Variants in UNC80 observed in about 807,000 individuals in gnomAD.
The protein encoded by UNC80 is protein unc-80 homolog.
UNC80 carries 164 observed loss-of-function variants against 384.6 expected under a neutral mutation model. The ratio of observed to expected loss-of-function variants is 0.43; its 90% CI spans 0.38 to 0.49. The LOEUF (loss-of-function observed/expected upper bound fraction) is 0.49. Ranked by LOEUF, UNC80 falls within the 20% of genes least tolerant of loss-of-function variation. The pLI is 0.00. For synonymous variants in UNC80, 1,486 were observed against 1,527.8 expected (o/e 0.97, Z 0.64); for missense variants, 3,330 against 4,143.0 (o/e 0.80, Z 5.39).
intron 7 of UNC80, 126 bp downstream of exon 7, chr2:209,793,985 TC>T: frequency 8.8e-7 from 1 of 1,133,016 alleles, no homozygotes; most frequent in Non-Finnish European, 1.2e-6. Flanking sequence ...GTATACATAT[TC>T]TTGGTCAAAG....
intron 47 of UNC80, among the ~76,000 whole-genome samples, chr2:209,952,588 C>A (rs2092234701): frequency 6.6e-6 from 1 of 152,146 alleles, no homozygotes; most frequent in African/African-American, 2.4e-5. Flanking sequence ...TGGCCCTAAG[C>A]AATTTACAAA....
Position 209,819,114 on chromosome 2 carries a change from C to G in UNC80, c.1815C>G (p.Ile605Met). 1 of 1,552,216 alleles carries G rather than the reference C, an allele frequency of 6.4e-7. No homozygotes were observed. Among genetic ancestry groups the G allele is most frequent in the Non-Finnish European group, 8.7e-7 (1 of 1,147,124 alleles). The stretch of plus-strand genomic sequence containing the variant: ...GGAAACTCTGCAACCAGGTGCCTAT[C>G]CCGGAGATGCCACATGAACCTCTGG... The part of the protein sequence containing the change: ...HMRKLCNQVP[I>M]PEMPHEPLAC... Residue 605 changes from isoleucine to methionine, a missense_variant, in exon 12 of 65, where the codon ATC becomes ATG. By Grantham distance (10) the Ile-to-Met change is conservative. Around this residue, in one of 8 missense-constraint regions of UNC80, gnomAD observed 937 missense variants for 1,026.8 expected, o/e 0.91. Transcript: ENST00000673920.
intron 7 of UNC80, 27 bp downstream of exon 7, chr2:209,793,886 A>G: frequency 6.2e-7 from 1 of 1,611,178 alleles, no homozygotes; most frequent in Non-Finnish European, 8.5e-7. Context: ...TTAGGGACAA[A>G]ATGTGTCACT....
rs140265299 is a variant in UNC80, at chr2:209,785,021, A to G, written c.601-1045A>G. The stretch of plus-strand genomic sequence containing the variant: ...TCTGAGTTCTTTTCCTTCCATCCCA[A>G]TGGTTTTCAACCTCAGCTATGTGTG... On this transcript the variant is annotated intron_variant, in intron 4 of 64. Transcript: ENST00000673920. 3.2e-3 allele frequency among the ~76,000 whole-genome samples: 485 copies of G among 152,184 alleles called. 2 individuals carry two copies. Among genetic ancestry groups the G allele is most frequent in the Non-Finnish European group, 5.9e-3 (400 of 68,006 alleles).
At chr2:209,947,932 G>A (rs1425679198) in intron 47 of UNC80, among the ~76,000 whole-genome samples, 1 of 152,068 alleles carries the variant, frequency 6.6e-6, no homozygotes, top group African/African-American at 2.4e-5. Flanking sequence ...AAATAGTATA[G>A]TAGCTACTTT....
chr2:209,956,928 G>A (rs543470751), intron 48 of UNC80, among the ~76,000 whole-genome samples: 2 of 152,312 alleles, frequency 1.3e-5, no homozygotes, highest in East Asian at 3.9e-4. Flanking sequence ...ATCCCCAGCA[G>A]ACAGAAAGTG....
At chr2:209,972,087 T>C (rs1349674062) in intron 54 of UNC80, 114 bp from the exon 55 acceptor site, 1 of 1,308,172 alleles carries the variant, frequency 7.6e-7, no homozygotes, top group Non-Finnish European at 1.0e-6. Context: ...ATTGAACTCA[T>C]AGTTTACAGG....
intron 21 of UNC80, among the ~76,000 whole-genome samples, chr2:209,847,439 T>C (rs1042875991): frequency 6.6e-6 from 1 of 151,982 alleles, no homozygotes; most frequent in African/African-American, 2.4e-5. Context: ...AAAATGTCCA[T>C]TATAATTAGC....
Position 209,995,481 on chromosome 2 carries a change from CCTT to C in UNC80, c.9863_9865del (p.Leu3288del). ...GCCTCCTACAGCATGGAGACACTGTCCTTCATATCAGTGAGGAAAATGGCATGG... is the reference window on the plus strand; with the variant it reads ...GCCTCCTACAGCATGGAGACACTGTCCATATCAGTGAGGAAAATGGCATGG... On this transcript the variant is annotated inframe_deletion, in exon 65 of 65. Transcript: ENST00000673920. 1 of 1,551,856 alleles carries C rather than the reference CCTT, an allele frequency of 6.4e-7. No individual in the cohort carries two copies. Among genetic ancestry groups the C allele is most frequent in the Non-Finnish European group, 8.7e-7 (1 of 1,147,032 alleles).
At chr2:209,909,689 T>C (rs1414152815) in intron 29 of UNC80, among the ~76,000 whole-genome samples, 1 of 152,120 alleles carries the variant, frequency 6.6e-6, no homozygotes, top group African/African-American at 2.4e-5. Flanking sequence ...GTCAAAAAAT[T>C]GGTTTTGCAT....
chr2:209,890,518 T>A (rs1037798798), intron 26 of UNC80, among the ~76,000 whole-genome samples: 3 of 152,202 alleles, frequency 2.0e-5, no homozygotes, highest in Admixed American at 6.5e-5. Context: ...GTGTCACAAC[T>A]GCTACCTGGT....
At position 209,939,596 on chromosome 2, in the gene UNC80, C is replaced by T. The variant is rs79848223; in HGVS notation, c.6590C>T (p.Pro2197Leu). 5.2e-6 allele frequency: 8 copies of T among 1,551,666 alleles called. No individual in the cohort carries two copies. The South Asian group carries it at 5.9e-5, about 12-fold the overall frequency. ...CTTCAGGAAGACCTCCTCCGCCTGC[C>T]CTCATTCCCTCGTAGTGCTATTGAT... ...SMLQEDLLRLPSFPRSAIDAE... is the reference protein window; with the variant it reads ...SMLQEDLLRLLSFPRSAIDAE... Residue 2197 changes from proline (P) to leucine (L), a missense_variant, in exon 43 of 65, where the codon CCC becomes CTC. By Grantham distance (98) the Pro-to-Leu change is moderately conservative. This residue lies in a region of UNC80 where 1,049 missense variants were observed against 1,488.6 expected (regional missense o/e 0.70). Transcript: ENST00000673920.
Position 209,792,629 on chromosome 2 carries a change from G to GCT in UNC80, c.799-1091_799-1090insCT, listed in dbSNP as rs1248876489. 1.3e-4 allele frequency among the ~76,000 whole-genome samples: 20 copies of GCT among 152,208 alleles called. No individual in the cohort carries two copies. In the East Asian group the frequency reaches 3.9e-3, roughly 30 times the overall value. ...CCCAAAGTGCTAGGATTACAGGCAT[G>GCT]AGCCACCGCGCCCGGTTCCATCTTA... On this transcript the variant is annotated intron_variant, in intron 6 of 64. Transcript: ENST00000673920.
At chr2:209,827,193 C>G (rs991079037) in intron 14 of UNC80, among the ~76,000 whole-genome samples, 17 of 152,114 alleles carry the variant, frequency 1.1e-4, no homozygotes, top group African/African-American at 3.9e-4. Flanking sequence ...TGGCATCTCC[C>G]CCATCTTTGC....
intron 28 of UNC80, among the ~76,000 whole-genome samples, chr2:209,903,473 TAG>T (rs2087701177): frequency 8.9e-6 from 1 of 112,680 alleles, no homozygotes; most frequent in African/African-American, 3.4e-5. Context: ...ATTATATATA[TAG>T]TATATATGTA....
intron 22 of UNC80, among the ~76,000 whole-genome samples, chr2:209,856,346 A>G (rs2082918116): frequency 6.6e-6 from 1 of 152,080 alleles, no homozygotes; most frequent in African/African-American, 2.4e-5. Flanking sequence ...TGATGTCAAT[A>G]TTAATCTTTT....
In UNC80 at chr2:209,827,190, T is replaced by G. The variant is rs546560967; in HGVS notation, c.2478+1137T>G. ...AATAAGGCTATAGAAAGCTGGCATC[T>G]CCCCCATCTTTGCACATGTGTATAT... is the stretch of plus-strand genomic sequence containing the variant. On this transcript the variant is annotated intron_variant, in intron 14 of 64. Transcript: ENST00000673920. Among the ~76,000 whole-genome samples, 11 of 152,218 alleles carry G rather than the reference T, an allele frequency of 7.2e-5. No individual in the cohort carries two copies. The South Asian group carries it at 1.4e-3, about 20-fold the overall frequency.
chr2:209,890,506 A>T (rs1364744995), intron 26 of UNC80, among the ~76,000 whole-genome samples: 3 of 152,230 alleles, frequency 2.0e-5, no homozygotes, highest in African/African-American at 7.2e-5. Flanking sequence ...GCAATAACAA[A>T]GGTGTCACAA....
At chr2:209,774,511 T>G (rs1486184142) in intron 2 of UNC80, among the ~76,000 whole-genome samples, 2 of 152,140 alleles carry the variant, frequency 1.3e-5, no homozygotes, top group Non-Finnish European at 1.5e-5. Flanking sequence ...GAAAACAATT[T>G]CCCAAGTTTT....
Sources: allele counts gnomAD v4.1 joint callset (sites outside exome capture counted in the v4.1 genomes callset), GRCh38; gene constraint gnomAD v4.1.1; regional missense constraint gnomAD v4.1.1; transcripts MANE v1.5; gene names NCBI Gene and HGNC (gene_info 2026-07-23, HGNC 2026-07-21).